Variants in CREB5 observed in about 807,000 individuals in gnomAD.
CREB5 encodes cyclic AMP-responsive element-binding protein 5.
CREB5 carries 19 observed loss-of-function variants against 57.1 expected under a neutral mutation model. The ratio of observed to expected loss-of-function variants is 0.33; its 90% CI spans 0.23 to 0.49. The LOEUF (loss-of-function observed/expected upper bound fraction) is 0.49, where lower values mean the gene tolerates loss of function less well. Among genes scored for constraint, CREB5 ranks in the 20% least tolerant of loss-of-function variants. The pLI is 0.99. For missense variants in CREB5, 579 were observed against 671.6 expected (o/e 0.86, Z 1.52); for synonymous variants, 238 against 238.3 (o/e 1.00, Z 0.01).
intron 9 of CREB5, among the ~76,000 whole-genome samples, chr7:28,813,368 G>C (rs771484817): frequency 3.3e-5 from 5 of 152,182 alleles, no homozygotes; most frequent in Non-Finnish European, 7.3e-5. Context: ...AAATCATCTG[G>C]TCACCCATGG....
intron 7 of CREB5, among the ~76,000 whole-genome samples, chr7:28,790,529 A>G (rs1583751878): frequency 1.3e-5 from 2 of 152,282 alleles, no homozygotes; most frequent in South Asian, 4.1e-4. Flanking sequence ...AGAAAGGGAA[A>G]AACTAGCAGG....
chr7:28,718,926 GT>G lies in CREB5; in HGVS notation c.591+50del, dbSNP rs777580310. On this transcript the variant is annotated intron_variant, in intron 6 of 10. Transcript: ENST00000357727. ...ACAATAGCTTGTCACTTGCACTGAGGTTTGCCACTCTTGAAAGGGCAAAGGA... is the reference window on the plus strand; with the variant it reads ...ACAATAGCTTGTCACTTGCACTGAGGTTGCCACTCTTGAAAGGGCAAAGGA... The G allele has an allele frequency of 1.4e-5, 23 of 1,611,750 alleles. No homozygotes were observed. In the African/African-American group the frequency reaches 2.8e-4, roughly 20 times the overall value.
chr7:28,570,005 C>T (rs921120788), intron 4 of CREB5, among the ~76,000 whole-genome samples: 1 of 152,186 alleles, frequency 6.6e-6, no homozygotes, highest in Admixed American at 6.5e-5. Flanking sequence ...TGACTATTCA[C>T]TAAATCACAG....
At chr7:28,354,648 C>T (rs1323366822) in intron 1 of CREB5, among the ~76,000 whole-genome samples, 1 of 152,196 alleles carries the variant, frequency 6.6e-6, no homozygotes, top group African/African-American at 2.4e-5. Flanking sequence ...CACTGCAGTG[C>T]CAGGGCCCTC....
chr7:28,504,678 A>G (rs1051493442), intron 3 of CREB5, among the ~76,000 whole-genome samples: 2 of 152,152 alleles, frequency 1.3e-5, no homozygotes, highest in African/African-American at 2.4e-5. Context: ...GGCGCTGCAT[A>G]AACACCCGTG....
In CREB5 at chr7:28,825,378, G is replaced by A. The variant is rs551828040; in HGVS notation, c.*6099G>A. 7.2e-5 allele frequency: 11 copies of A among 152,376 alleles called. No individual in the cohort carries two copies. Among genetic ancestry groups the A allele is most frequent in the Non-Finnish European group, 1.6e-4 (11 of 68,034 alleles). 9.4% of individuals were successfully genotyped at this position (152,376 alleles called of 1,614,324 possible). On this transcript the variant is annotated 3_prime_UTR_variant, in exon 11 of 11. Transcript: ENST00000357727. The stretch of plus-strand genomic sequence containing the variant: ...ATAAGCTTGAAATGTTCTCTCTAGA[G>A]AGGACATAGGGTTTGGGATCCTCTG...
intron 3 of CREB5, among the ~76,000 whole-genome samples, chr7:28,504,620 G>C (rs1008476660): frequency 6.6e-6 from 1 of 152,196 alleles, no homozygotes; most frequent in Non-Finnish European, 1.5e-5. Flanking sequence ...TTTTGAGTTT[G>C]AGAGTTGAAA....
At chr7:28,337,280 T>C (rs1488906600) in intron 1 of CREB5, among the ~76,000 whole-genome samples, 1 of 152,056 alleles carries the variant, frequency 6.6e-6, no homozygotes, top group East Asian at 1.9e-4. Flanking sequence ...TATCTAATGT[T>C]GAAAGCGTGG....
chr7:28,368,850 C>A (rs1294278710), intron 1 of CREB5, among the ~76,000 whole-genome samples: 1 of 152,154 alleles, frequency 6.6e-6, no homozygotes, highest in Non-Finnish European at 1.5e-5. Context: ...AGTTTGAGAC[C>A]AGCCTGGGCA....
intron 5 of CREB5, among the ~76,000 whole-genome samples, chr7:28,607,081 C>A (rs1797161348): frequency 6.6e-6 from 1 of 152,136 alleles, no homozygotes; most frequent in Admixed American, 6.5e-5. Flanking sequence ...TTGTATCCTT[C>A]AACAAATCTC....
chr7:28,818,926 G>A (rs1809596935), intron 10 of CREB5, 190 bp from the exon 11 acceptor site: 3 of 637,492 alleles, frequency 4.7e-6, no homozygotes, highest in South Asian at 1.9e-5. Context: ...GATATAAACT[G>A]GAAAGGCATA....
At chr7:28,586,645 T>C (rs1326357521) in intron 5 of CREB5, among the ~76,000 whole-genome samples, 1 of 152,170 alleles carries the variant, frequency 6.6e-6, no homozygotes, top group Non-Finnish European at 1.5e-5. Flanking sequence ...TGTGGTGTGA[T>C]AGAGAGAAGT....
chr7:28,784,461 C>T (rs1314336563), intron 7 of CREB5, among the ~76,000 whole-genome samples: 1 of 151,940 alleles, frequency 6.6e-6, no homozygotes, highest in Non-Finnish European at 1.5e-5. Flanking sequence ...TCTCGGGGCT[C>T]CCTCCCTCCT....
intron 1 of CREB5, among the ~76,000 whole-genome samples, chr7:28,313,895 C>G (rs1048248335): frequency 2.0e-4 from 30 of 152,152 alleles, no homozygotes; most frequent in Non-Finnish European, 2.6e-4. Context: ...GCATACCATA[C>G]AATGAGTTTT....
At chr7:28,338,783 C>A (rs1785876439) in intron 1 of CREB5, among the ~76,000 whole-genome samples, 1 of 152,022 alleles carries the variant, frequency 6.6e-6, no homozygotes, top group Non-Finnish European at 1.5e-5. Flanking sequence ...TTTTCTCGAT[C>A]TGGTAGACAT....
At chr7:28,718,701 A>G (rs554139061) in intron 5 of CREB5, 52 bp from the exon 6 acceptor site, 17 of 1,603,704 alleles carry the variant, frequency 1.1e-5, no homozygotes, top group South Asian at 7.7e-5. Flanking sequence ...CACTGGGGAG[A>G]CAGGGCCAGG....
intron 1 of CREB5, among the ~76,000 whole-genome samples, chr7:28,367,882 C>T (rs1456982843): frequency 6.6e-6 from 1 of 152,042 alleles, no homozygotes; most frequent in Non-Finnish European, 1.5e-5. Flanking sequence ...TGGATCCATC[C>T]ACTTCTCTTC....
chr7:28,452,776 A>G (rs1789886870), intron 1 of CREB5, among the ~76,000 whole-genome samples: 1 of 152,196 alleles, frequency 6.6e-6, no homozygotes. Flanking sequence ...ACTGGGAGAA[A>G]GCTGGAAACC....
At chr7:28,427,907 A>C (rs752674351) in intron 1 of CREB5, among the ~76,000 whole-genome samples, 13 of 152,210 alleles carry the variant, frequency 8.5e-5, no homozygotes, top group Non-Finnish European at 1.5e-4. Context: ...TCCAGGTTCT[A>C]AGGATATGGC....
Sources: allele counts gnomAD v4.1 joint callset (sites outside exome capture counted in the v4.1 genomes callset), GRCh38; gene constraint gnomAD v4.1.1; transcripts MANE v1.5; gene names NCBI Gene and HGNC (gene_info 2026-07-23, HGNC 2026-07-21).